The following DIAPH2 variants were observed in gnomAD, a reference collection of about 807,000 sequenced individuals.
DIAPH2 encodes protein diaphanous homolog 2.
A neutral mutation model predicts 92.7 loss-of-function variants in DIAPH2; 35 were observed. The ratio of observed to expected loss-of-function variants is 0.38; its 90% CI spans 0.29 to 0.50. DIAPH2 has a LOEUF of 0.50. DIAPH2 is among the 20% of genes least tolerant of loss of function. The pLI, the probability that DIAPH2 is intolerant of heterozygous loss-of-function variation, is 0.94. For synonymous variants in DIAPH2, 301 were observed against 280.4 expected, an observed-to-expected ratio of 1.07 and a Z score of -0.73; for missense variants, 701 against 819.5, an observed-to-expected ratio of 0.86 and a Z score of 1.77.
chrX:97,560,926 A>G (rs958016134), intron 26 of DIAPH2, among the ~76,000 whole-genome samples: 3 of 112,662 alleles, frequency 2.7e-5, no homozygotes. Flanking sequence ...TTCATATGCT[A>G]ACCATGACAT....
chrX:96,933,744 C>T (rs2065637649), intron 10 of DIAPH2, among the ~76,000 whole-genome samples: 1 of 103,621 alleles, frequency 9.7e-6, no homozygotes, highest in Admixed American at 1.1e-4. Flanking sequence ...GCTGGGACTA[C>T]AGGTGCGCGC....
In DIAPH2 at chrX:97,600,402, G is replaced by C. The variant is rs41312556; in HGVS notation, c.*1085G>C. On this transcript the variant is annotated 3_prime_UTR_variant, in exon 27 of 27. Coordinates refer to ENST00000324765, the MANE Select transcript of DIAPH2 (RefSeq NM_006729.5). ...ACTTTGGTGGTCTGAAGAAGAAAAAGAAATTTTATGTATGTATGTGTAAAT... is the reference window on the plus strand; with the variant it reads ...ACTTTGGTGGTCTGAAGAAGAAAAACAAATTTTATGTATGTATGTGTAAAT... 1 of 111,640 alleles carries C rather than the reference G, an allele frequency of 9.0e-6. No individual in the cohort carries two copies. Among genetic ancestry groups the C allele is most frequent in the African/African-American group, 3.3e-5 (1 of 30,326 alleles). 9.2% of individuals were successfully genotyped at this position (111,640 alleles called of 1,213,427 possible).
At chrX:97,092,333 G>A (rs1451424761) in intron 19 of DIAPH2, among the ~76,000 whole-genome samples, 4 of 112,915 alleles carry the variant, frequency 3.5e-5, no homozygotes, top group African/African-American at 1.3e-4. Flanking sequence ...GCTGGAAGCA[G>A]AAGTCTATTC....
At chrX:97,201,502 A>G (rs753813765) in intron 22 of DIAPH2, among the ~76,000 whole-genome samples, 2 of 108,052 alleles carry the variant, frequency 1.9e-5, no homozygotes, top group Non-Finnish European at 3.8e-5. Flanking sequence ...AAAACACAGC[A>G]CAAAATCTTT....
chrX:96,685,990 C>T (rs187883987), intron 1 of DIAPH2, among the ~76,000 whole-genome samples: 1 of 112,232 alleles, frequency 8.9e-6, no homozygotes, highest in East Asian at 2.8e-4. Context: ...ATCGATGAGG[C>T]CTGGTATTGC....
intron 26 of DIAPH2, among the ~76,000 whole-genome samples, chrX:97,545,632 CATAAT>C (rs913297431): frequency 9.4e-6 from 1 of 106,556 alleles, no homozygotes; most frequent in Non-Finnish European, 1.9e-5. Flanking sequence ...CATTATTCTG[CATAAT>C]ATGTTTCTCA....
intron 4 of DIAPH2, among the ~76,000 whole-genome samples, chrX:96,809,354 A>C (rs912345441): frequency 1.9e-5 from 2 of 103,724 alleles, no homozygotes; most frequent in African/African-American, 3.5e-5. Context: ...AAAAAAAAAA[A>C]CATAACCTGA....
At chrX:96,971,414 C>T (rs1333366228) in intron 17 of DIAPH2, among the ~76,000 whole-genome samples, 1 of 110,761 alleles carries the variant, frequency 9.0e-6, no homozygotes, top group Non-Finnish European at 1.9e-5. Context: ...TAACTTGATG[C>T]TCTGTGTGTG....
intron 4 of DIAPH2, among the ~76,000 whole-genome samples, chrX:96,765,679 G>A (rs6620160): frequency 0.16 from 17,178 of 110,271 alleles, 1,176 homozygotes; most frequent in East Asian, 0.32. Flanking sequence ...GTCTTGGGGC[G>A]TACCTCCTGT....
intron 4 of DIAPH2, among the ~76,000 whole-genome samples, chrX:96,763,854 G>A (rs1352328354): frequency 9.0e-6 from 1 of 110,925 alleles, no homozygotes; most frequent in Non-Finnish European, 1.9e-5. Context: ...CTAGAGAACA[G>A]GGTGGTAGGA....
chrX:96,749,128 GAAAA>G (rs759288156), intron 3 of DIAPH2, among the ~76,000 whole-genome samples: 1,355 of 55,571 alleles, frequency 0.024, 11 homozygotes, highest in Middle Eastern at 0.062. Context: ...TACCCCATCA[GAAAA>G]AAAAAAAAAA....
intron 26 of DIAPH2, among the ~76,000 whole-genome samples, chrX:97,549,169 C>T (rs1401642987): frequency 1.8e-5 from 2 of 112,116 alleles, no homozygotes; most frequent in Non-Finnish European, 3.8e-5. Context: ...GACAGGCAGG[C>T]TTGCTAAATA....
chrX:97,192,996 TTTTTCTTTTTC>T (rs1431337198), intron 22 of DIAPH2, among the ~76,000 whole-genome samples: 2 of 102,775 alleles, frequency 1.9e-5, no homozygotes, highest in Non-Finnish European at 3.8e-5. Flanking sequence ...TATTTCTTTC[TTTTTCTTTTTC>T]TTTTCTTTTT....
At chrX:96,933,423 G>A in intron 10 of DIAPH2, among the ~76,000 whole-genome samples, 1 of 107,005 alleles carries the variant, frequency 9.3e-6, no homozygotes, top group East Asian at 2.9e-4. Context: ...TCAATCTCCT[G>A]TGCTCAAGCA....
intron 26 of DIAPH2, among the ~76,000 whole-genome samples, chrX:97,576,979 G>A (rs775025959): frequency 2.2e-4 from 25 of 111,859 alleles, no homozygotes; most frequent in Admixed American, 1.1e-3. Flanking sequence ...TTATAATGTG[G>A]TTGGTCAGAA....
intron 17 of DIAPH2, among the ~76,000 whole-genome samples, chrX:97,065,380 C>T (rs1286193659): frequency 2.7e-5 from 3 of 111,320 alleles, no homozygotes; most frequent in East Asian, 2.8e-4. Context: ...TACCACAAAA[C>T]GATGTTTTGG....
At chrX:97,323,814 A>C (rs2068925677) in intron 23 of DIAPH2, among the ~76,000 whole-genome samples, 1 of 104,870 alleles carries the variant, frequency 9.5e-6, no homozygotes, top group South Asian at 4.5e-4. Context: ...GAGGCAGGAG[A>C]ATCTCTTGAA....
intron 23 of DIAPH2, among the ~76,000 whole-genome samples, chrX:97,283,215 A>T: frequency 8.9e-6 from 1 of 112,043 alleles, no homozygotes; most frequent in Non-Finnish European, 1.9e-5. Flanking sequence ...TGCTTTGTGT[A>T]AATGATTACC....
chrX:96,817,787 G>C (rs1159689032), intron 4 of DIAPH2, among the ~76,000 whole-genome samples: 1 of 108,394 alleles, frequency 9.2e-6, no homozygotes, highest in Non-Finnish European at 1.9e-5. Context: ...CCACCCTTGT[G>C]ACCTCATTAC....
Sources: allele counts gnomAD v4.1 joint callset (sites outside exome capture counted in the v4.1 genomes callset), GRCh38; gene constraint gnomAD v4.1.1; transcripts MANE v1.5; gene names NCBI Gene and HGNC (gene_info 2026-07-23, HGNC 2026-07-21).